NAV2: variants seen among roughly 807,000 people sequenced by gnomAD.
NAV2 encodes helicase, APC down-regulated 1.
NAV2 carries 54 observed loss-of-function variants against 223.2 expected under a neutral mutation model. The ratio of observed to expected loss-of-function variants is 0.24; its 90% CI spans 0.19 to 0.30. NAV2 has a LOEUF of 0.30. Among genes scored for constraint, NAV2 ranks in the 10% least tolerant of loss-of-function variants. The pLI is 1.00. For missense variants in NAV2, 2,806 were observed against 3,147.5 expected (o/e 0.89, Z 2.60); for synonymous variants, 1,279 against 1,239.3 (o/e 1.03, Z -0.67).
intron 1 of NAV2, among the ~76,000 whole-genome samples, chr11:19,719,740 G>A (rs1207147531): frequency 6.6e-6 from 1 of 152,178 alleles, no homozygotes; most frequent in South Asian, 2.1e-4. Context: ...GCATAGCAGG[G>A]CTTTGGTTAG....
intron 1 of NAV2, among the ~76,000 whole-genome samples, chr11:19,698,053 A>T (rs1418462536): frequency 2.0e-5 from 3 of 152,192 alleles, no homozygotes; most frequent in African/African-American, 7.2e-5. Flanking sequence ...TCATCACAGC[A>T]CAGGGCTGAG....
At chr11:19,349,984 T>C (rs1289380122), upstream of NAV2, among the ~76,000 whole-genome samples, 4 of 152,138 alleles carry the variant, frequency 2.6e-5, no homozygotes, top group Non-Finnish European at 4.4e-5. Context: ...TCGCCTGCCA[T>C]ACACTGCCTC....
In NAV2 at chr11:20,112,743, C is replaced by T. The variant is rs192368813; in HGVS notation, c.6961-1849C>T. 1.2e-4 allele frequency among the ~76,000 whole-genome samples: 19 copies of T among 152,294 alleles called. No homozygotes were observed. In the East Asian group the frequency reaches 3.5e-3, roughly 28 times the overall value. The stretch of plus-strand genomic sequence containing the variant: ...GGAAGCTGAGGTTCTAGGTTCAAAT[C>T]GGGCTCTGCCTGACAGCCTTTCTCA... On this transcript the variant is annotated intron_variant, in intron 36 of 37. Coordinates refer to ENST00000349880, the MANE Select transcript of NAV2 (RefSeq NM_145117.5).
rs536151733 is a variant in NAV2, at chr11:19,962,553, C to G, written c.2645+13473C>G. ...CTGCAAGGGCTCAAAGCTAACGCAC[C>G]CTGCCTGGGATGTGACCACAGATCA... On this transcript the variant is annotated intron_variant, in intron 10 of 37. Coordinates refer to ENST00000349880, the MANE Select transcript of NAV2 (RefSeq NM_145117.5). Among the ~76,000 whole-genome samples the G allele has an allele frequency of 1.4e-4, 21 of 152,266 alleles. 1 individual carries two copies. The South Asian group carries it at 4.2e-3, about 30-fold the overall frequency.
At chr11:19,449,078 A>T (rs1248258839) in intron 1 of NAV2, among the ~76,000 whole-genome samples, 3 of 152,138 alleles carry the variant, frequency 2.0e-5, no homozygotes, top group Admixed American at 6.5e-5. Context: ...AAGGCCTGAA[A>T]TTGAGCGATT....
At chr11:19,457,087 C>T (rs1005278423) in intron 1 of NAV2, among the ~76,000 whole-genome samples, 1 of 152,126 alleles carries the variant, frequency 6.6e-6, no homozygotes, top group African/African-American at 2.4e-5. Flanking sequence ...AGACCCTGCT[C>T]AAGGCTCAGG....
chr11:19,891,233 T>G (rs1306456191), intron 5 of NAV2, among the ~76,000 whole-genome samples: 1 of 152,220 alleles, frequency 6.6e-6, no homozygotes, highest in Non-Finnish European at 1.5e-5. Flanking sequence ...AAATTCAGAC[T>G]TGTCACTAGA....
intron 6 of NAV2, among the ~76,000 whole-genome samples, chr11:19,901,156 T>C (rs1045873892): frequency 6.6e-6 from 1 of 152,218 alleles, no homozygotes; most frequent in Non-Finnish European, 1.5e-5. Flanking sequence ...TATTTTTGAA[T>C]AAAAGCCTAG....
rs781175268 is a variant in NAV2 at position 19,713,674 on chromosome 11, AAAGCCC to A, written c.-15_-10del. The A allele has an allele frequency of 6.6e-7, 1 of 1,522,852 alleles. No individual in the cohort carries two copies. Among genetic ancestry groups the A allele is most frequent in the South Asian group, 1.3e-5 (1 of 76,856 alleles). 94.3% of individuals were successfully genotyped at this position (1,522,852 alleles called of 1,614,324 possible). A position where few individuals can be genotyped will look rare whatever the true frequency, so the allele number is the denominator to read the frequency against. ...CCGCCGCTGCCAGGGACGTGCTGGGAAAGCCCAAGCCCCGGGAGAAGATGCCGGCCA... is the reference window on the plus strand; with the variant it reads ...CCGCCGCTGCCAGGGACGTGCTGGGAAAGCCCCGGGAGAAGATGCCGGCCA... On this transcript the variant is annotated 5_prime_UTR_variant, in exon 1 of 38. Transcript: ENST00000349880. The surrounding 1 kb of genome is among the most constrained non-coding windows in gnomAD (Gnocchi z 7.2).
upstream of NAV2, among the ~76,000 whole-genome samples, chr11:19,349,292 T>C (rs1372106895): frequency 2.0e-5 from 3 of 152,238 alleles, no homozygotes; most frequent in Non-Finnish European, 4.4e-5. Flanking sequence ...ACATCCCCTC[T>C]GCTGCTTCTC....
intron 1 of NAV2, among the ~76,000 whole-genome samples, chr11:19,451,169 T>G (rs1851776245): frequency 6.6e-6 from 1 of 152,154 alleles, no homozygotes; most frequent in Non-Finnish European, 1.5e-5. Context: ...TAGCTCTGTC[T>G]GCCCCTTGTT....
rs1222524445 is a variant in NAV2, at chr11:19,603,631, CAAAAAAA to C, written c.76-228841_76-228835del. Among the ~76,000 whole-genome samples, 521 of 57,744 alleles carry C rather than the reference CAAAAAAA, an allele frequency of 9.0e-3. 4 individuals carry two copies. Among genetic ancestry groups the C allele is most frequent in the African/African-American group, 0.022 (479 of 21,928 alleles). 37.9% of individuals were successfully genotyped at this position (57,744 alleles called of 152,430 possible). On this transcript the variant is annotated intron_variant, in intron 1 of 37. Coordinates refer to the NAV2 transcript ENST00000360655. ...TGGGCAACAGAGCCAGACTCCATCT[CAAAAAAA>C]AAAAAAAAAAAGAAAAAAGAAAAGA...
At chr11:19,732,763 G>C (rs992996583) in intron 1 of NAV2, among the ~76,000 whole-genome samples, 2 of 152,196 alleles carry the variant, frequency 1.3e-5, no homozygotes, top group African/African-American at 4.8e-5. Context: ...GTGTTTCCTG[G>C]AGATCTCAGC....
At chr11:20,105,798 G>T in intron 35 of NAV2, 71 bp downstream of exon 35, 1 of 1,260,384 alleles carries the variant, frequency 7.9e-7, no homozygotes, top group South Asian at 1.3e-5. Flanking sequence ...CCCTGGCCAG[G>T]ACAGCACTTT....
At chr11:20,106,589 G>C (rs970077087) in intron 35 of NAV2, among the ~76,000 whole-genome samples, 6 of 148,978 alleles carry the variant, frequency 4.0e-5, no homozygotes, top group Non-Finnish European at 5.9e-5. Context: ...TTTTCATTTA[G>C]CACTATCTCA....
intron 10 of NAV2, chr11:19,979,076 G>A (rs1234891071): frequency 1.3e-5 from 2 of 152,196 alleles, no homozygotes; most frequent in African/African-American, 4.8e-5. Context: ...TAAAAGGCAT[G>A]TTGCCTTCAC....
intron 14 of NAV2, 152 bp downstream of exon 14, chr11:20,045,822 T>A: frequency 1.5e-6 from 1 of 668,294 alleles, no homozygotes; most frequent in East Asian, 2.7e-5. Context: ...AGTTTTGCAG[T>A]TGACTATTTT....
intron 1 of NAV2, among the ~76,000 whole-genome samples, chr11:19,399,242 T>A (rs1164851121): frequency 6.6e-6 from 1 of 151,972 alleles, no homozygotes; most frequent in Non-Finnish European, 1.5e-5. Context: ...AAGAAAAAAA[T>A]CAGAACTCCC....
At chr11:19,669,959 C>T (rs2048532706) in intron 1 of NAV2, among the ~76,000 whole-genome samples, 1 of 152,160 alleles carries the variant, frequency 6.6e-6, no homozygotes, top group Non-Finnish European at 1.5e-5. Flanking sequence ...TGCATACACA[C>T]ATCAACATAC....
Sources: gnomAD v4.1 joint callset for allele counts (sites outside exome capture counted in the v4.1 genomes callset) on GRCh38, gnomAD v4.1.1 for gene constraint, Gnocchi (gnomAD v3.1) non-coding constraint, MANE v1.5 for transcripts, NCBI Gene and HGNC (gene_info 2026-07-23, HGNC 2026-07-21) for gene names.